The following ZNF804B variants were observed in gnomAD, a reference collection of about 807,000 sequenced individuals.
ZNF804B encodes zinc finger 804B.
ZNF804B carries 80 observed loss-of-function variants against 101.4 expected under a neutral mutation model. The observed-to-expected ratio is 0.79, with a 90% CI of 0.66 to 0.95. The LOEUF (loss-of-function observed/expected upper bound fraction) is 0.95, where lower values mean the gene tolerates loss of function less well. ZNF804B is among the 40% of genes least tolerant of loss of function. The probability of loss-of-function intolerance (pLI) is 0.00; values close to 1 mark genes in which losing one functional copy is unlikely to be tolerated. For missense variants in ZNF804B, 1,673 were observed against 1,561.9 expected, an observed-to-expected ratio of 1.07 and a Z score of -1.20; for synonymous variants, 622 against 558.8, an observed-to-expected ratio of 1.11 and a Z score of -1.59.
chr7:89,173,464 T>A (rs1484364655), intron 1 of ZNF804B, among the ~76,000 whole-genome samples: 1 of 152,064 alleles, frequency 6.6e-6, no homozygotes, highest in Non-Finnish European at 1.5e-5. Context: ...CAATCCCACT[T>A]TAGAAAACAA....
chr7:89,128,549 C>T (rs1372639481), intron 1 of ZNF804B, among the ~76,000 whole-genome samples: 1 of 151,900 alleles, frequency 6.6e-6, no homozygotes. Context: ...ATCTCATTAG[C>T]TCAGTCTGCA....
At chr7:89,112,737 C>T (rs780379370) in intron 1 of ZNF804B, among the ~76,000 whole-genome samples, 2 of 152,100 alleles carry the variant, frequency 1.3e-5, no homozygotes, top group Non-Finnish European at 2.9e-5. Flanking sequence ...AATATTGAGG[C>T]TGCATAGTGC....
chr7:88,898,678 C>T (rs531651805), intron 1 of ZNF804B, among the ~76,000 whole-genome samples: 31 of 152,176 alleles, frequency 2.0e-4, no homozygotes, highest in Middle Eastern at 6.8e-3. Context: ...TTGATATTGT[C>T]GAAGATAATT....
At chr7:89,177,283 T>A (rs1791336851) in intron 1 of ZNF804B, among the ~76,000 whole-genome samples, 1 of 152,212 alleles carries the variant, frequency 6.6e-6, no homozygotes, top group Non-Finnish European at 1.5e-5. Context: ...TAGTACTACC[T>A]TAGCTGTATC....
intron 1 of ZNF804B, among the ~76,000 whole-genome samples, chr7:89,197,002 G>A (rs1788563555): frequency 6.6e-6 from 1 of 151,624 alleles, no homozygotes; most frequent in African/African-American, 2.4e-5. Flanking sequence ...AAATAGGAAT[G>A]CTTTTACACT....
intron 1 of ZNF804B, among the ~76,000 whole-genome samples, chr7:88,918,454 T>C (rs1792668727): frequency 6.6e-6 from 1 of 152,166 alleles, no homozygotes; most frequent in South Asian, 2.1e-4. Flanking sequence ...GCATGAGTTA[T>C]TGCTCTATCT....
intron 1 of ZNF804B, among the ~76,000 whole-genome samples, chr7:88,808,382 CAAA>C (rs77855035): frequency 6.2e-5 from 5 of 81,260 alleles, no homozygotes; most frequent in Admixed American, 1.4e-4. Flanking sequence ...GACATCATCT[CAAA>C]AAAAAAAAAA....
In ZNF804B at chr7:89,335,031, C is replaced by G; in HGVS notation, c.2049C>G (p.Ser683Arg). Residue 683 changes from serine (S) to arginine (R), a missense_variant, in exon 4 of 4, where the codon AGC becomes AGG. Transcript: ENST00000333190. ...TAATTTTGAAGAGTAACCACATCAG[C>G]ATGACCAGCAAGGTTTCCGGATGTG... ...FSVILKSNHI[S>R]MTSKVSGCGN... 1 of 1,613,820 alleles carries G rather than the reference C, an allele frequency of 6.2e-7. No homozygotes were observed. The highest frequency in any genetic ancestry group is 8.5e-7 in the Non-Finnish European group (1 of 1,179,910).
intron 1 of ZNF804B, among the ~76,000 whole-genome samples, chr7:88,953,128 C>T (rs1009776463): frequency 2.6e-5 from 4 of 151,662 alleles, no homozygotes; most frequent in African/African-American, 7.3e-5. Context: ...TATGTTTGTT[C>T]TTCTCTTGAA....
At chr7:89,319,308 G>A (rs1790778621) in intron 2 of ZNF804B, among the ~76,000 whole-genome samples, 1 of 152,046 alleles carries the variant, frequency 6.6e-6, no homozygotes, top group Admixed American at 6.6e-5. Context: ...GGGAATTTTG[G>A]CTTACACAAC....
intron 2 of ZNF804B, among the ~76,000 whole-genome samples, chr7:89,254,543 C>A (rs1789595167): frequency 6.6e-6 from 1 of 151,376 alleles, no homozygotes; most frequent in African/African-American, 2.4e-5. Context: ...TTAAAATACT[C>A]CTTCAAATAA....
At chr7:89,245,213 C>A (rs1340622259) in intron 2 of ZNF804B, among the ~76,000 whole-genome samples, 1 of 150,832 alleles carries the variant, frequency 6.6e-6, no homozygotes. Context: ...AAAATACAAG[C>A]AAGTAAATAA....
chr7:89,253,979 G>A (rs1257636525), intron 2 of ZNF804B, among the ~76,000 whole-genome samples: 2 of 151,982 alleles, frequency 1.3e-5, no homozygotes, highest in Non-Finnish European at 2.9e-5. Flanking sequence ...AACTAAAAAA[G>A]AAGGGAACTC....
At chr7:89,062,629 T>C (rs566791979) in intron 1 of ZNF804B, among the ~76,000 whole-genome samples, 30 of 152,268 alleles carry the variant, frequency 2.0e-4, no homozygotes, top group African/African-American at 7.0e-4. Context: ...TCAGTTAATA[T>C]CTTTTCAATT....
intron 1 of ZNF804B, among the ~76,000 whole-genome samples, chr7:88,887,223 A>C (rs1792141004): frequency 2.0e-5 from 1 of 51,010 alleles, no homozygotes; most frequent in Non-Finnish European, 3.2e-5. Context: ...TTTGTTGGCC[A>C]TTTGTATGTC....
At chr7:88,869,409 A>G (rs1297391025) in intron 1 of ZNF804B, among the ~76,000 whole-genome samples, 1 of 152,130 alleles carries the variant, frequency 6.6e-6, no homozygotes, top group Non-Finnish European at 1.5e-5. Context: ...CAAAATTAAG[A>G]AGTTAGTCAG....
intron 1 of ZNF804B, among the ~76,000 whole-genome samples, chr7:89,088,635 C>T (rs1252959409): frequency 6.8e-6 from 1 of 146,226 alleles, no homozygotes; most frequent in African/African-American, 2.6e-5. Context: ...ACTCCTGCAT[C>T]CTAGATAAGA....
chr7:88,970,353 C>G (rs1262497516), intron 1 of ZNF804B, among the ~76,000 whole-genome samples: 2 of 130,640 alleles, frequency 1.5e-5, no homozygotes, highest in East Asian at 2.4e-4. Context: ...TGCCCCCCCC[C>G]CACCCCCACA....
intron 1 of ZNF804B, among the ~76,000 whole-genome samples, chr7:89,148,074 A>G (rs1790816803): frequency 6.6e-6 from 1 of 152,040 alleles, no homozygotes; most frequent in South Asian, 2.1e-4. Context: ...GGGACCACCT[A>G]CATAGGCTGT....
Sources: allele counts gnomAD v4.1 joint callset (sites outside exome capture counted in the v4.1 genomes callset), GRCh38; gene constraint gnomAD v4.1.1; transcripts MANE v1.5; gene names NCBI Gene and HGNC (gene_info 2026-07-23, HGNC 2026-07-21).